Variants in IL23R observed in about 807,000 individuals in gnomAD.
IL23R encodes interleukin 23 receptor, also known as interleukin-23 receptor.
IL23R carries 34 observed loss-of-function variants against 56.9 expected under a neutral mutation model. The ratio of observed to expected loss-of-function variants is 0.60; its 90% confidence interval spans 0.45 to 0.80. The LOEUF (loss-of-function observed/expected upper bound fraction) is 0.80. Among genes scored for constraint, IL23R ranks in the 30% least tolerant of loss-of-function variants. The pLI is 0.00. For synonymous variants in IL23R, 230 were observed against 249.2 expected, an observed-to-expected ratio of 0.92 and a Z score of 0.73; for missense variants, 635 against 730.0, an observed-to-expected ratio of 0.87 and a Z score of 1.50.
intron 7 of IL23R, among the ~76,000 whole-genome samples, chr1:67,225,981 C>T (rs1329579431): frequency 6.6e-6 from 1 of 152,208 alleles, no homozygotes; most frequent in Non-Finnish European, 1.5e-5. Context: ...GACAGAAAGG[C>T]AGAGTGGATA....
intron 10 of IL23R, among the ~76,000 whole-genome samples, chr1:67,257,789 C>T (rs946098693): frequency 1.8e-4 from 28 of 152,166 alleles, no homozygotes; most frequent in Admixed American, 1.3e-4. Context: ...CTGCAACCTC[C>T]GCCTCCCGGG....
rs148676505 is a variant in IL23R, at chr1:67,170,840, G to C, written c.367+1202G>C. 2.9e-3 allele frequency among the ~76,000 whole-genome samples: 436 copies of C among 152,272 alleles called. 5 individuals are homozygous for C. Among genetic ancestry groups the C allele is most frequent in the African/African-American group, 0.01 (431 of 41,556 alleles). On this transcript the variant is annotated intron_variant, in intron 3 of 10. Transcript: ENST00000347310. Reference sequence around the variant, plus strand: ...ATTGTGGCTGCTTGGAAAGTAAGAGGCTTCCTTGCTCTATAATGAGGCCAT... The same window carrying C: ...ATTGTGGCTGCTTGGAAAGTAAGAGCCTTCCTTGCTCTATAATGAGGCCAT...
At chr1:67,251,273 A>G (rs372625268) in intron 9 of IL23R, among the ~76,000 whole-genome samples, 1 of 152,114 alleles carries the variant, frequency 6.6e-6, no homozygotes, top group Non-Finnish European at 1.5e-5. Flanking sequence ...TAACACGGTG[A>G]AACCCCGTCT....
chr1:67,263,963 T>C (rs1430709799), downstream of IL23R, among the ~76,000 whole-genome samples: 2 of 152,080 alleles, frequency 1.3e-5, no homozygotes, highest in Admixed American at 6.5e-5. Flanking sequence ...ACCTGTGCCC[T>C]CTGCTTCTCC....
At chr1:67,143,608 C>T (rs1408618414) in intron 1 of IL23R, among the ~76,000 whole-genome samples, 1 of 152,208 alleles carries the variant, frequency 6.6e-6, no homozygotes, top group Non-Finnish European at 1.5e-5. Context: ...TCCCATCTAT[C>T]ATGAATTGAT....
downstream of IL23R, among the ~76,000 whole-genome samples, chr1:67,260,356 T>G (rs1051331846): frequency 6.6e-6 from 1 of 152,194 alleles, no homozygotes; most frequent in African/African-American, 2.4e-5. Context: ...ACGTAATTTT[T>G]TGTTTACAAA....
chr1:67,205,564 A>C (rs1054305036), intron 5 of IL23R, among the ~76,000 whole-genome samples: 2 of 152,246 alleles, frequency 1.3e-5, no homozygotes, highest in African/African-American at 2.4e-5. Flanking sequence ...CAAACTTACA[A>C]GTATTTACAC....
intron 9 of IL23R, among the ~76,000 whole-genome samples, chr1:67,243,655 C>A (rs1652004515): frequency 6.6e-6 from 1 of 152,292 alleles, no homozygotes; most frequent in South Asian, 2.1e-4. Context: ...TTTTTTATGG[C>A]TGCATAGTAT....
At chr1:67,139,381 G>A (rs1039714377) in intron 1 of IL23R, among the ~76,000 whole-genome samples, 2 of 152,078 alleles carry the variant, frequency 1.3e-5, no homozygotes, top group Non-Finnish European at 2.9e-5. Flanking sequence ...TACATGAAAC[G>A]TTCATTATGT....
chr1:67,232,433 C>T (rs186542507), intron 7 of IL23R, among the ~76,000 whole-genome samples: 6 of 152,258 alleles, frequency 3.9e-5, no homozygotes, highest in Admixed American at 2.6e-4. Flanking sequence ...CTCTGCCTCC[C>T]ACCCTGAGCC....
At chr1:67,182,769 T>C (rs1647169989) in intron 3 of IL23R, 67 bp from the exon 4 acceptor site, 1 of 1,590,498 alleles carries the variant, frequency 6.3e-7, no homozygotes, top group Non-Finnish European at 8.6e-7. Flanking sequence ...TATTCAGCCA[T>C]CTTGGCTTGG....
At chr1:67,195,260 T>G (rs1648054360) in intron 4 of IL23R, among the ~76,000 whole-genome samples, 1 of 152,182 alleles carries the variant, frequency 6.6e-6, no homozygotes, top group African/African-American at 2.4e-5. Context: ...CTCAAACTCC[T>G]GACCTCAAGT....
chr1:67,199,382 C>T (rs992291154), intron 4 of IL23R, among the ~76,000 whole-genome samples: 3 of 152,164 alleles, frequency 2.0e-5, no homozygotes, highest in Non-Finnish European at 4.4e-5. Flanking sequence ...CCCACCACTC[C>T]ATCCTCACCC....
At chr1:67,195,510 C>A (rs1207477081) in intron 4 of IL23R, among the ~76,000 whole-genome samples, 1 of 152,160 alleles carries the variant, frequency 6.6e-6, no homozygotes. Context: ...CCAAGTCTTA[C>A]AACTTATCAA....
intron 3 of IL23R, among the ~76,000 whole-genome samples, chr1:67,177,813 A>C (rs894900825): frequency 6.6e-5 from 10 of 151,064 alleles, no homozygotes; most frequent in African/African-American, 2.5e-4. Context: ...CAAGGAAGGG[A>C]TCCAGTTTCA....
At chr1:67,247,600 A>G (rs1377507997) in intron 9 of IL23R, among the ~76,000 whole-genome samples, 1 of 152,088 alleles carries the variant, frequency 6.6e-6, no homozygotes, top group Non-Finnish European at 1.5e-5. Context: ...CACCGTGCCC[A>G]GCCTAGTCCA....
At chr1:67,217,535 A>G in intron 6 of IL23R, among the ~76,000 whole-genome samples, 1 of 152,014 alleles carries the variant, frequency 6.6e-6, no homozygotes, top group East Asian at 1.9e-4. Flanking sequence ...TACAAGAGAC[A>G]CTAATATGAA....
chr1:67,206,311 CCTTT>C (rs1649053226), intron 5 of IL23R, among the ~76,000 whole-genome samples: 2 of 152,006 alleles, frequency 1.3e-5, no homozygotes, highest in African/African-American at 4.8e-5. Flanking sequence ...CCATGCCCAG[CCTTT>C]CTTTCTTTTT....
intron 7 of IL23R, among the ~76,000 whole-genome samples, chr1:67,226,518 C>A (rs1402666903): frequency 2.0e-5 from 3 of 152,190 alleles, no homozygotes; most frequent in Non-Finnish European, 4.4e-5. Context: ...TTCTTCTGTC[C>A]TTCTCTGCCG....
Sources: allele counts gnomAD v4.1 joint callset (sites outside exome capture counted in the v4.1 genomes callset), GRCh38; gene constraint gnomAD v4.1.1; transcripts MANE v1.5; gene names NCBI Gene and HGNC (gene_info 2026-07-23, HGNC 2026-07-21).